CSMD1: variants seen among roughly 807,000 people sequenced by gnomAD.
CSMD1 encodes CUB and sushi domain-containing protein 1.
A neutral mutation model predicts 417.5 loss-of-function variants in CSMD1; 213 were observed. The ratio of observed to expected loss-of-function variants is 0.51; its 90% CI spans 0.46 to 0.57. The LOEUF is 0.57. Among genes scored for constraint, CSMD1 ranks in the 20% least tolerant of loss-of-function variants. CSMD1 has a pLI of 0.00. For synonymous variants in CSMD1, 2,862 were observed against 1,736.8 expected, an observed-to-expected ratio of 1.65 and a Z score of -16.11; for missense variants, 6,923 against 4,529.7, an observed-to-expected ratio of 1.53 and a Z score of -15.17.
chr8:3,535,966 C>G (rs1013746765), intron 10 of CSMD1, among the ~76,000 whole-genome samples: 2 of 152,146 alleles, frequency 1.3e-5, no homozygotes, highest in African/African-American at 4.8e-5. Context: ...AGTTATATGA[C>G]AGAGGGCCAT....
chr8:4,043,770 T>C (rs1798010370), intron 3 of CSMD1, among the ~76,000 whole-genome samples: 3 of 152,224 alleles, frequency 2.0e-5, no homozygotes, highest in South Asian at 4.1e-4. Context: ...CTCTTTCAAA[T>C]GCTGGAACGC....
intron 3 of CSMD1, among the ~76,000 whole-genome samples, chr8:4,226,073 C>CGG (rs1212261959): frequency 3.4e-5 from 3 of 87,158 alleles, no homozygotes; most frequent in African/African-American, 5.3e-5. Flanking sequence ...GGCGGACACA[C>CGG]ACACACACAC....
At chr8:4,199,041 C>G (rs984818310) in intron 3 of CSMD1, among the ~76,000 whole-genome samples, 2 of 152,102 alleles carry the variant, frequency 1.3e-5, no homozygotes, top group Non-Finnish European at 2.9e-5. Context: ...ACAGTGAGCT[C>G]TCATCCTCTG....
At chr8:3,534,901 C>G (rs759031469) in intron 10 of CSMD1, among the ~76,000 whole-genome samples, 15 of 152,100 alleles carry the variant, frequency 9.9e-5, no homozygotes, top group African/African-American at 2.2e-4. Flanking sequence ...ATGGTTTAGT[C>G]CAGAATTCAA....
intron 6 of CSMD1, among the ~76,000 whole-genome samples, chr8:3,716,179 G>C (rs751473782): frequency 6.6e-6 from 1 of 152,186 alleles, no homozygotes; most frequent in East Asian, 1.9e-4. Context: ...ACAGGGATGG[G>C]TGTTGCCTAT....
At chr8:4,779,748 C>A (rs1285620819) in intron 1 of CSMD1, among the ~76,000 whole-genome samples, 2 of 152,086 alleles carry the variant, frequency 1.3e-5, no homozygotes, top group African/African-American at 2.4e-5. Flanking sequence ...AGAAATAAAT[C>A]CTGCTAATTG....
chr8:3,980,789 G>A (rs114064537), intron 5 of CSMD1, among the ~76,000 whole-genome samples: 2,290 of 152,224 alleles, frequency 0.015, 50 homozygotes, highest in African/African-American at 0.05. Flanking sequence ...CACTTAGACT[G>A]GGGATACATA....
chr8:3,481,555 A>C (rs1376857040), intron 11 of CSMD1, among the ~76,000 whole-genome samples: 2 of 152,166 alleles, frequency 1.3e-5, no homozygotes, highest in Admixed American at 6.5e-5. Flanking sequence ...AATCTGTGAA[A>C]CTTACTTTTC....
intron 3 of CSMD1, among the ~76,000 whole-genome samples, chr8:4,185,078 G>T (rs1798584832): frequency 6.9e-6 from 1 of 144,210 alleles, no homozygotes; most frequent in African/African-American, 2.6e-5. Flanking sequence ...GGCAGAGGTT[G>T]CAGTGAGCCA....
intron 27 of CSMD1, among the ~76,000 whole-genome samples, chr8:3,226,005 A>G (rs1798480619): frequency 1.3e-5 from 2 of 152,328 alleles, no homozygotes; most frequent in African/African-American, 2.4e-5. Context: ...AACAGCACAC[A>G]TACATACGTA....
At chr8:3,790,006 C>A (rs781159387) in intron 5 of CSMD1, among the ~76,000 whole-genome samples, 1 of 152,150 alleles carries the variant, frequency 6.6e-6, no homozygotes, top group Non-Finnish European at 1.5e-5. Context: ...GCTGGGATTA[C>A]AGGCGTAAGC....
At chr8:3,745,877 T>A (rs573376359) in intron 6 of CSMD1, among the ~76,000 whole-genome samples, 7 of 152,280 alleles carry the variant, frequency 4.6e-5, no homozygotes, top group African/African-American at 1.4e-4. Context: ...ATGTAGGTAA[T>A]TGCCTGGGGA....
intron 3 of CSMD1, among the ~76,000 whole-genome samples, chr8:4,173,438 G>C (rs552253391): frequency 3.9e-5 from 6 of 152,124 alleles, no homozygotes; most frequent in Admixed American, 3.3e-4. Context: ...GGTCACCAGA[G>C]GACGTTACTG....
At chr8:4,781,968 A>C (rs1003709149) in intron 1 of CSMD1, among the ~76,000 whole-genome samples, 5 of 152,180 alleles carry the variant, frequency 3.3e-5, no homozygotes, top group African/African-American at 1.2e-4. Flanking sequence ...CAATAAAATA[A>C]ACTCTGACTT....
intron 15 of CSMD1, among the ~76,000 whole-genome samples, chr8:3,402,172 A>C (rs1481433477): frequency 1.3e-5 from 2 of 152,174 alleles, no homozygotes; most frequent in African/African-American, 4.8e-5. Flanking sequence ...GTGATAGTGC[A>C]CAACACTAAG....
chr8:3,996,664 G>C (rs1468190741), intron 5 of CSMD1, among the ~76,000 whole-genome samples: 3 of 152,118 alleles, frequency 2.0e-5, no homozygotes, highest in Admixed American at 6.5e-5. Context: ...AAGCAGATTG[G>C]TCCTGGCTAA....
intron 3 of CSMD1, among the ~76,000 whole-genome samples, chr8:4,370,809 G>C (rs1056811237): frequency 2.0e-5 from 3 of 152,154 alleles, no homozygotes; most frequent in African/African-American, 4.8e-5. Flanking sequence ...AAATGGTTAT[G>C]TTGGCTTCCA....
intron 11 of CSMD1, among the ~76,000 whole-genome samples, chr8:3,469,550 T>C (rs752900094): frequency 3.9e-5 from 6 of 152,128 alleles, no homozygotes; most frequent in Non-Finnish European, 7.4e-5. Context: ...ACTAAATCCA[T>C]TGATTGAACT....
chr8:4,484,898 G>C (rs567362379), intron 2 of CSMD1, among the ~76,000 whole-genome samples: 8 of 145,930 alleles, frequency 5.5e-5, no homozygotes, highest in African/African-American at 2.0e-4. Context: ...GCGTGAACCC[G>C]GGAGGCAGAG....
Sources: allele counts gnomAD v4.1 joint callset (sites outside exome capture counted in the v4.1 genomes callset), GRCh38; gene constraint gnomAD v4.1.1; transcripts MANE v1.5; gene names NCBI Gene and HGNC (gene_info 2026-07-23, HGNC 2026-07-21).